The following NKD2 variants were observed in gnomAD, a reference collection of about 807,000 sequenced individuals.
NKD2 encodes protein naked cuticle homolog 2.
In NKD2, 43 loss-of-function variants were observed where a neutral mutation model predicts 34.8. That is an observed-to-expected ratio of 1.24 (90% CI 0.97 to 1.60). The LOEUF (loss-of-function observed/expected upper bound fraction) is 1.60. Among genes scored for constraint, NKD2 ranks in the 40% most tolerant of loss-of-function variants. The pLI is 0.00. For synonymous variants in NKD2, 278 were observed against 265.1 expected, an observed-to-expected ratio of 1.05 and a Z score of -0.47; for missense variants, 675 against 627.1, an observed-to-expected ratio of 1.08 and a Z score of -0.82.
intron 3 of NKD2, among the ~76,000 whole-genome samples, chr5:1,016,107 C>T (rs902789727): frequency 6.6e-6 from 1 of 152,236 alleles, no homozygotes; most frequent in Non-Finnish European, 1.5e-5. Flanking sequence ...TCCCCCCCCA[C>T]ACCGGACACT....
rs914168990 is a variant in NKD2, at chr5:1,010,600, G to A, written c.141+1040G>A. On this transcript the variant is annotated intron_variant, in intron 3 of 9. Coordinates refer to ENST00000296849, the MANE Select transcript of NKD2 (RefSeq NM_033120.4). ...TAACGCCTGTGATGGTGGGAAGCAC[G>A]CTGTAAGGTACAGTAAGTTGGGTGG... 1.2e-4 allele frequency among the ~76,000 whole-genome samples: 18 copies of A among 152,168 alleles called. 1 individual carries two copies. Among genetic ancestry groups the A allele is most frequent in the Admixed American group, 2.6e-4 (4 of 15,284 alleles).
chr5:1,009,408 G>A lies in NKD2; in HGVS notation c.62-73G>A. 1 of 1,311,634 alleles carries A rather than the reference G, an allele frequency of 7.6e-7. No individual in the cohort carries two copies. Among genetic ancestry groups the A allele is most frequent in the Non-Finnish European group, 1.0e-6 (1 of 973,176 alleles). The allele number at this position is 1,311,634 out of a possible 1,614,324, so 81.2% of individuals were successfully genotyped here. ...GATGGGGACACAGCGAAGGCGCAGCGCCCGCGGGGCTCACGGCGCGTCTCT... is the reference window on the plus strand; with the variant it reads ...GATGGGGACACAGCGAAGGCGCAGCACCCGCGGGGCTCACGGCGCGTCTCT... On this transcript the variant is annotated intron_variant, in intron 2 of 9. Transcript: ENST00000296849. The surrounding 1 kb of genome is among the most constrained non-coding windows in gnomAD (Gnocchi z 6.9).
intron 3 of NKD2, among the ~76,000 whole-genome samples, chr5:1,010,721 C>T (rs1755720350): frequency 6.6e-6 from 1 of 152,236 alleles, no homozygotes; most frequent in African/African-American, 2.4e-5. Context: ...GTTACATTTG[C>T]ACAGGGGCTT....
chr5:1,019,803 T>A (rs1018739347), intron 3 of NKD2, among the ~76,000 whole-genome samples: 1 of 152,206 alleles, frequency 6.6e-6, no homozygotes, highest in Non-Finnish European at 1.5e-5. Context: ...GGAATTAATC[T>A]TCCTTTGAAA....
chr5:1,032,833 C>T lies in NKD2; in HGVS notation c.203-539C>T, dbSNP rs570313798. ...TGCTGAGCCCGGACAGTCCCACACTCCTATCCTGGGGACGCAGCTTGCAAG... is the reference window on the plus strand; with the variant it reads ...TGCTGAGCCCGGACAGTCCCACACTTCTATCCTGGGGACGCAGCTTGCAAG... On this transcript the variant is annotated intron_variant, in intron 4 of 9. Coordinates refer to ENST00000296849, the MANE Select transcript of NKD2 (RefSeq NM_033120.4). Among the ~76,000 whole-genome samples the T allele has an allele frequency of 6.0e-4, 91 of 152,358 alleles. 1 individual carries two copies. The South Asian group carries it at 6.0e-3, about 10-fold the overall frequency.
At chr5:1,016,126 G>A (rs949822975) in intron 3 of NKD2, among the ~76,000 whole-genome samples, 13 of 152,240 alleles carry the variant, frequency 8.5e-5, no homozygotes, top group African/African-American at 2.9e-4. Context: ...CTTCCCCAGC[G>A]TGGGGCGGAG....
At chr5:1,035,348 A>G (rs766854904) in intron 7 of NKD2, 41 bp from the exon 8 acceptor site, 27 of 1,447,902 alleles carry the variant, frequency 1.9e-5, no homozygotes, top group Non-Finnish European at 2.6e-5. Flanking sequence ...ATGCTGAATG[A>G]AGGAGGGAGG....
Position 1,008,978 on chromosome 5 carries a change from G to T in NKD2, c.-80G>T, listed in dbSNP as rs1423420008. 2 of 415,800 alleles carry T rather than the reference G, an allele frequency of 4.8e-6. No individual in the cohort carries two copies. Among genetic ancestry groups the T allele is most frequent in the Non-Finnish European group, 8.4e-6 (2 of 237,850 alleles). The allele number at this position is 415,800 out of a possible 1,614,324, so 25.8% of individuals were successfully genotyped here. On this transcript the variant is annotated 5_prime_UTR_variant, in exon 1 of 10. Coordinates refer to ENST00000296849, the MANE Select transcript of NKD2 (RefSeq NM_033120.4). ...CCCTAGCTTGCTCCCGGCCCATGCG[G>T]CCCCCGCGGGCTCCCGGCCCCGGCT...
In NKD2 at chr5:1,037,882, C is replaced by G; in HGVS notation, c.865C>G (p.Pro289Ala). The change falls in exon 10 of 10, where the codon CCA (proline) becomes GCA (alanine). Residue 289 changes from proline (P) to alanine (A), a missense_variant. Pro to Ala is a conservative substitution (Grantham distance 27). Transcript: ENST00000296849. Reference protein sequence around the residue: ...HLQARSRSQEPDTHAVHHRRS... With the variant: ...HLQARSRSQEADTHAVHHRRS... ...CCAGGCCCGGTCCCGCTCCCAGGAG[C>G]CAGATACACATGCCGTACACCACCG... 6.2e-7 allele frequency: 1 copy of G among 1,605,176 alleles called. No homozygotes were observed. The highest frequency in any genetic ancestry group is 1.1e-5 in the South Asian group (1 of 90,880).
At chr5:1,026,163 TCCCA>T (rs1756388421) in intron 3 of NKD2, among the ~76,000 whole-genome samples, 4 of 38,142 alleles carry the variant, frequency 1.0e-4, no homozygotes, top group Non-Finnish European at 1.4e-4. Context: ...GCTGTGGGCG[TCCCA>T]GCCCTTTGTC....
At chr5:1,036,131 C>T in intron 8 of NKD2, 126 bp from the exon 9 acceptor site, 12 of 1,370,554 alleles carry the variant, frequency 8.8e-6, no homozygotes, top group Non-Finnish European at 1.1e-5. Flanking sequence ...CCTTCCTGCT[C>T]TGCGAGGAGG....
chr5:1,034,926 C>T (rs1733774744), intron 7 of NKD2, 23 bp downstream of exon 7: 3 of 1,590,024 alleles, frequency 1.9e-6, no homozygotes, highest in Non-Finnish European at 2.6e-6. Context: ...TGGGCACACA[C>T]AGAGGACCCT....
At chr5:1,031,046 C>A (rs1756626091) in intron 3 of NKD2, among the ~76,000 whole-genome samples, 1 of 152,164 alleles carries the variant, frequency 6.6e-6, no homozygotes, top group Non-Finnish European at 1.5e-5. Flanking sequence ...TCCACCATAC[C>A]CTGTTTGGAC....
At chr5:1,036,210 C>G in intron 8 of NKD2, 47 bp from the exon 9 acceptor site, 2 of 1,491,996 alleles carry the variant, frequency 1.3e-6, no homozygotes, top group African/African-American at 1.4e-5. Flanking sequence ...CAGGGGTGCG[C>G]CACCCAGTCT....
chr5:1,033,499 CG>C lies in NKD2; in HGVS notation c.330+1del. 6.5e-7 allele frequency: 1 copy of C among 1,547,896 alleles called. No individual in the cohort carries two copies. The highest frequency in any genetic ancestry group is 1.2e-5 in the South Asian group (1 of 83,862). ...CGGGCGGGCAGCGCCTCAACATTGA[CG>C]TGGGTCTCTCTCCGGCCTCACTTGC... is the stretch of plus-strand genomic sequence containing the variant. On this transcript the variant is annotated splice_donor_variant, in intron 5 of 9. Coordinates refer to ENST00000296849, the MANE Select transcript of NKD2 (RefSeq NM_033120.4). LOFTEE classifies it high-confidence loss of function.
chr5:1,027,425 G>A (rs1003642995), intron 3 of NKD2, among the ~76,000 whole-genome samples: 13 of 152,214 alleles, frequency 8.5e-5, no homozygotes, highest in African/African-American at 2.7e-4. Context: ...GAGCCCCGAG[G>A]TCTGGAAAAT....
At position 1,038,755 on chromosome 5, in the gene NKD2, C is replaced by G; in HGVS notation, c.*382C>G. 1 of 479,692 alleles carries G rather than the reference C, an allele frequency of 2.1e-6. No homozygotes were observed. The highest frequency in any genetic ancestry group is 3.8e-6 in the Non-Finnish European group (1 of 261,072). The allele number at this position is 479,692 out of a possible 1,614,324, so 29.7% of individuals were successfully genotyped here. Reference sequence around the variant, plus strand: ...TTCCTCCCGGGGCTTCAAGGGGTGACTGCTGTAGGCTGTCCCAGTGCGAGG... The same window carrying G: ...TTCCTCCCGGGGCTTCAAGGGGTGAGTGCTGTAGGCTGTCCCAGTGCGAGG... On this transcript the variant is annotated 3_prime_UTR_variant, in exon 10 of 10. Coordinates refer to ENST00000296849, the MANE Select transcript of NKD2 (RefSeq NM_033120.4). The surrounding 1 kb of genome is among the most constrained non-coding windows in gnomAD (Gnocchi z 4.5).
rs760531457 is a variant in NKD2 at position 1,038,234 on chromosome 5, T to C, written c.1217T>C (p.Val406Ala). Residue 406 changes from valine (V) to alanine (A), a missense_variant, in exon 10 of 10, where the codon GTG (valine) becomes GCG (alanine). Val to Ala is a moderately conservative substitution (Grantham distance 64, BLOSUM62 0). Coordinates refer to ENST00000296849, the MANE Select transcript of NKD2 (RefSeq NM_033120.4). This position sits in a 1 kb window ranked among gnomAD's most constrained non-coding sequence, Gnocchi z 4.5. ...LKAPHAQPAT[V>A]EHEVVRDLPP... The stretch of plus-strand genomic sequence containing the variant: ...GCCCCACACGCTCAGCCTGCCACAG[T>C]GGAGCACGAGGTGGTGCGGGACCTG... 22 of 1,590,784 alleles carry C rather than the reference T, an allele frequency of 1.4e-5. No individual in the cohort carries two copies. The highest frequency in any genetic ancestry group is 1.7e-5 in the Non-Finnish European group (20 of 1,171,386).
rs1394748724 is a variant in NKD2 at position 1,036,495 on chromosome 5, C to A, written c.787+111C>A. 101 of 556,346 alleles carry A rather than the reference C, an allele frequency of 1.8e-4. 1 individual carries two copies. The highest frequency in any genetic ancestry group is 2.3e-4 in the Non-Finnish European group (83 of 358,594). The allele number at this position is 556,346 out of a possible 1,614,324, so 34.5% of individuals were successfully genotyped here. Reference sequence around the variant, plus strand: ...GGGCCCCTCCCTGCCCTGCCCCGCCCCCCCCCAACCCCCCCCACCCCACCC... The same window carrying A: ...GGGCCCCTCCCTGCCCTGCCCCGCCACCCCCCAACCCCCCCCACCCCACCC... On this transcript the variant is annotated intron_variant, in intron 9 of 9. Coordinates refer to ENST00000296849, the MANE Select transcript of NKD2 (RefSeq NM_033120.4).
Sources: gnomAD v4.1 joint callset for allele counts (sites outside exome capture counted in the v4.1 genomes callset) on GRCh38, gnomAD v4.1.1 for gene constraint, Gnocchi (gnomAD v3.1) non-coding constraint, MANE v1.5 for transcripts, NCBI Gene and HGNC (gene_info 2026-07-23, HGNC 2026-07-21) for gene names.